CCDC7: variants seen among roughly 807,000 people sequenced by gnomAD.
CCDC7 encodes the protein coiled-coil domain-containing protein 7.
Under a neutral mutation model 196.9 loss-of-function variants are expected in CCDC7, and 183 were observed. That is an observed-to-expected ratio of 0.93 (90% confidence interval 0.82 to 1.05). CCDC7 has a LOEUF of 1.05. Among genes scored for constraint, CCDC7 ranks in the 50% least tolerant of loss-of-function variants. The probability of loss-of-function intolerance (pLI) is 0.00; values close to 1 mark genes in which losing one functional copy is unlikely to be tolerated. For synonymous variants in CCDC7, 525 were observed against 484.6 expected, an observed-to-expected ratio of 1.08 and a Z score of -1.10; for missense variants, 1,540 against 1,482.2, an observed-to-expected ratio of 1.04 and a Z score of -0.64.
chr10:32,652,726 A>G (rs866536950), intron 20 of CCDC7, among the ~76,000 whole-genome samples: 6 of 152,174 alleles, frequency 3.9e-5, no homozygotes, highest in African/African-American at 1.2e-4. Flanking sequence ...TGACTTTTAG[A>G]TATCTCAATT....
At chr10:32,843,722 TACTC>T (rs2093119571) in intron 33 of CCDC7, among the ~76,000 whole-genome samples, 1 of 152,018 alleles carries the variant, frequency 6.6e-6, no homozygotes, top group South Asian at 2.1e-4. Flanking sequence ...AATCTTTGCA[TACTC>T]ACTTGAAATG....
chr10:32,665,049 T>C (rs2140480439), intron 21 of CCDC7, among the ~76,000 whole-genome samples: 1 of 152,188 alleles, frequency 6.6e-6, no homozygotes, highest in African/African-American at 2.4e-5. Flanking sequence ...AATTTGCATG[T>C]CCCTGATGAT....
chr10:32,450,559 C>T (rs190710238), upstream of CCDC7, among the ~76,000 whole-genome samples: 14 of 152,192 alleles, frequency 9.2e-5, no homozygotes, highest in Admixed American at 2.0e-4. Flanking sequence ...ACAATTCCCA[C>T]GGTTAGGCAT....
chr10:32,715,041 G>A (rs929202431), intron 25 of CCDC7, among the ~76,000 whole-genome samples: 7 of 152,328 alleles, frequency 4.6e-5, no homozygotes, highest in African/African-American at 1.7e-4. Flanking sequence ...CAGTGCTCAA[G>A]CTCTGCTAAG....
At chr10:32,572,682 T>C (rs1226520534) in intron 16 of CCDC7, among the ~76,000 whole-genome samples, 2 of 152,118 alleles carry the variant, frequency 1.3e-5, no homozygotes, top group Non-Finnish European at 2.9e-5. Flanking sequence ...GTTGGTCCAC[T>C]TGTTGCTTTG....
chr10:32,700,825 T>G (rs1301668116), intron 24 of CCDC7, among the ~76,000 whole-genome samples: 1 of 152,206 alleles, frequency 6.6e-6, no homozygotes, highest in Non-Finnish European at 1.5e-5. Context: ...CAAATGTGAA[T>G]GGGAATTCAC....
At chr10:32,775,634 A>G (rs1275079946) in intron 28 of CCDC7, among the ~76,000 whole-genome samples, 2 of 152,124 alleles carry the variant, frequency 1.3e-5, no homozygotes, top group African/African-American at 4.8e-5. Context: ...AAATTATCAT[A>G]TTTTCGAAGG....
At chr10:32,720,424 G>A (rs535308397) in intron 25 of CCDC7, among the ~76,000 whole-genome samples, 1 of 152,176 alleles carries the variant, frequency 6.6e-6, no homozygotes, top group Non-Finnish European at 1.5e-5. Context: ...GCCTGTTGGG[G>A]GGTAGGGGGT....
chr10:32,746,074 A>G (rs1349229550), intron 28 of CCDC7, among the ~76,000 whole-genome samples: 1 of 152,180 alleles, frequency 6.6e-6, no homozygotes, highest in Non-Finnish European at 1.5e-5. Flanking sequence ...GGCTGACCAG[A>G]CACAGCCAGG....
chr10:32,487,645 A>C (rs915713719), intron 8 of CCDC7, among the ~76,000 whole-genome samples: 1 of 152,014 alleles, frequency 6.6e-6, no homozygotes, highest in Non-Finnish European at 1.5e-5. Context: ...GATGATGGTG[A>C]CTTACAGATG....
At chr10:32,707,101 G>T (rs781590077) in intron 24 of CCDC7, among the ~76,000 whole-genome samples, 1 of 152,120 alleles carries the variant, frequency 6.6e-6, no homozygotes, top group Non-Finnish European at 1.5e-5. Context: ...ATCCAGCAGG[G>T]TATCATAAAG....
intron 41 of CCDC7, among the ~76,000 whole-genome samples, chr10:32,859,599 C>T (rs1236727012): frequency 6.6e-6 from 1 of 151,978 alleles, no homozygotes; most frequent in African/African-American, 2.4e-5. Flanking sequence ...ACACAAAAAA[C>T]CCTTCAAAAA....
At position 32,703,447 on chromosome 10, in the gene CCDC7, AT is replaced by A. The variant is rs573882033; in HGVS notation, c.2459-8167del. Among the ~76,000 whole-genome samples the A allele has an allele frequency of 8.8e-4, 133 of 151,728 alleles. 2 individuals are homozygous for A. Among genetic ancestry groups the A allele is most frequent in the African/African-American group, 2.9e-3 (121 of 41,436 alleles). On this transcript the variant is annotated intron_variant, in intron 24 of 41. Coordinates refer to ENST00000639629, the Ensembl canonical transcript of CCDC7. ...ACATTTCTTTCTGGCTGCCCTTAAT[AT>A]TTTTTCCTTCATTTCTACTTTGGTG... is the stretch of plus-strand genomic sequence containing the variant.
chr10:32,700,585 T>G (rs1338090228), intron 24 of CCDC7, among the ~76,000 whole-genome samples: 1 of 152,224 alleles, frequency 6.6e-6, no homozygotes, highest in Non-Finnish European at 1.5e-5. Context: ...ACTCCAATTC[T>G]TTGAAGAAAG....
chr10:32,481,672 T>C (rs1327961698), intron 8 of CCDC7: 1 of 152,196 alleles, frequency 6.6e-6, no homozygotes. Context: ...TCATTTCAGA[T>C]TGAAGAGCTC....
chr10:32,518,564 G>T, intron 11 of CCDC7, 59 bp downstream of exon 12: 1 of 1,345,762 alleles, frequency 7.4e-7, no homozygotes, highest in Non-Finnish European at 1.0e-6. Context: ...ATTATGTTAG[G>T]ATAGAAATCA....
intron 11 of CCDC7, among the ~76,000 whole-genome samples, chr10:32,524,642 G>A (rs1429023722): frequency 6.6e-6 from 1 of 152,064 alleles, no homozygotes; most frequent in African/African-American, 2.4e-5. Flanking sequence ...GAATATTTTT[G>A]CCAGCTATAC....
chr10:32,828,151 C>G, intron 32 of CCDC7, among the ~76,000 whole-genome samples: 1 of 152,100 alleles, frequency 6.6e-6, no homozygotes, highest in South Asian at 2.1e-4. Context: ...ATCTTTGAAT[C>G]TACCTCCAAC....
chr10:32,743,111 G>A (rs1385990117), intron 28 of CCDC7, among the ~76,000 whole-genome samples: 9 of 152,148 alleles, frequency 5.9e-5, no homozygotes, highest in African/African-American at 1.4e-4. Context: ...TATGAATAAA[G>A]CTGCTGTAAA....
Sources: gnomAD v4.1 joint callset for allele counts (sites outside exome capture counted in the v4.1 genomes callset) on GRCh38, gnomAD v4.1.1 for gene constraint, MANE v1.5 for transcripts, NCBI Gene and HGNC (gene_info 2026-07-23, HGNC 2026-07-21) for gene names.